The following NTM variants were observed in gnomAD, a reference collection of about 807,000 sequenced individuals.
NTM encodes IgLON family member 2.
NTM carries 13 observed loss-of-function variants against 42.1 expected under a neutral mutation model. The observed-to-expected ratio is 0.31, with a 90% CI of 0.20 to 0.49. The LOEUF is 0.49. NTM is among the 20% of genes least tolerant of loss of function. The pLI is 0.99. For synonymous variants in NTM, 187 were observed against 179.2 expected (o/e 1.04, Z -0.35); for missense variants, 373 against 452.8 (o/e 0.82, Z 1.60).
At chr11:131,770,050 G>C (rs925506231) in intron 1 of NTM, among the ~76,000 whole-genome samples, 5 of 152,134 alleles carry the variant, frequency 3.3e-5, no homozygotes, top group Non-Finnish European at 5.9e-5. Flanking sequence ...GGGAGAAGAG[G>C]GCCAGTGTAT....
At chr11:131,410,517 CAAAAAAAAAA>C (rs1161389222) in intron 1 of NTM, among the ~76,000 whole-genome samples, 3 of 32,754 alleles carry the variant, frequency 9.2e-5, no homozygotes, top group African/African-American at 4.2e-4. Flanking sequence ...AAACAATAAC[CAAAAAAAAAA>C]AAAAAAAAAA....
chr11:131,718,726 T>G (rs1452378641), intron 1 of NTM, among the ~76,000 whole-genome samples: 1 of 152,114 alleles, frequency 6.6e-6, no homozygotes, highest in Non-Finnish European at 1.5e-5. Flanking sequence ...GGTATTCTAT[T>G]CTGAGCACTC....
chr11:132,021,835 G>A (rs1381048115), intron 2 of NTM, among the ~76,000 whole-genome samples: 1 of 152,190 alleles, frequency 6.6e-6, no homozygotes, highest in Non-Finnish European at 1.5e-5. Flanking sequence ...CATTTCCAAT[G>A]TCTCCTGATA....
intron 1 of NTM, among the ~76,000 whole-genome samples, chr11:131,663,010 A>G (rs950494283): frequency 1.3e-5 from 2 of 152,164 alleles, no homozygotes; most frequent in Non-Finnish European, 2.9e-5. Flanking sequence ...ATGAAATTCT[A>G]TTTGCACCTA....
chr11:131,453,627 C>T (rs1247802684), intron 1 of NTM, among the ~76,000 whole-genome samples: 1 of 152,096 alleles, frequency 6.6e-6, no homozygotes, highest in Non-Finnish European at 1.5e-5. Flanking sequence ...TTCTGGAATA[C>T]CCACCTTCCT....
chr11:131,891,323 G>T (rs939424852), intron 1 of NTM, among the ~76,000 whole-genome samples: 1 of 152,156 alleles, frequency 6.6e-6, no homozygotes, highest in African/African-American at 2.4e-5. Context: ...GTCAGTCGAA[G>T]CGTGTCTTGA....
chr11:131,691,694 C>T (rs1463228132), intron 1 of NTM, among the ~76,000 whole-genome samples: 1 of 152,202 alleles, frequency 6.6e-6, no homozygotes, highest in African/African-American at 2.4e-5. Flanking sequence ...CGCTCCCGCT[C>T]GGCCCCGCCA....
At chr11:131,807,938 A>G (rs2092580400) in intron 1 of NTM, among the ~76,000 whole-genome samples, 1 of 152,216 alleles carries the variant, frequency 6.6e-6, no homozygotes, top group South Asian at 2.1e-4. Context: ...ATCACTTTCA[A>G]TGTGTTGGCA....
intron 1 of NTM, among the ~76,000 whole-genome samples, chr11:131,395,925 T>C (rs2135632388): frequency 1.3e-5 from 2 of 152,312 alleles, no homozygotes; most frequent in Middle Eastern, 6.8e-3. Flanking sequence ...TGAATACCTT[T>C]GGCCTCCCAA....
intron 7 of NTM, chr11:132,315,065 C>CA (rs1420964212): frequency 9.6e-7 from 1 of 1,038,190 alleles, no homozygotes; most frequent in Non-Finnish European, 1.2e-6. Context: ...TTTGGAATGC[C>CA]AAAAATGACA....
chr11:131,443,224 A>C (rs1223772856), intron 1 of NTM, among the ~76,000 whole-genome samples: 1 of 152,190 alleles, frequency 6.6e-6, no homozygotes, highest in Non-Finnish European at 1.5e-5. Flanking sequence ...GTGGTAGAGC[A>C]CTGGAAAGAA....
Position 131,646,133 on chromosome 11 carries a change from C to G in NTM, c.83-265431C>G, listed in dbSNP as rs138892703. ...CGCAATTGATCATCTAAGACGGGGT[C>G]AGCAAACTGTGCCCATGGGCCCGAT... On this transcript the variant is annotated intron_variant, in intron 1 of 8. Transcript: ENST00000683400. 3.7e-3 allele frequency among the ~76,000 whole-genome samples: 556 copies of G among 152,276 alleles called. 1 individual carries two copies. The highest frequency in any genetic ancestry group is 6.8e-3 in the Middle Eastern group (2 of 294).
At chr11:131,969,249 A>G (rs1174589171) in intron 2 of NTM, among the ~76,000 whole-genome samples, 4 of 152,126 alleles carry the variant, frequency 2.6e-5, no homozygotes, top group Non-Finnish European at 5.9e-5. Context: ...GTTCCTCTTG[A>G]GTGAGCACCA....
chr11:131,877,935 G>C (rs995001853), intron 1 of NTM: 1 of 152,228 alleles, frequency 6.6e-6, no homozygotes. Flanking sequence ...GTGTTCTCAC[G>C]ACACCTGCGA....
chr11:131,981,431 C>A (rs748944897), intron 2 of NTM: 3 of 152,180 alleles, frequency 2.0e-5, no homozygotes, highest in Non-Finnish European at 1.5e-5. Flanking sequence ...CGAGCTGGAG[C>A]AGTCTTGATG....
chr11:132,140,737 A>T (rs2068926330), intron 2 of NTM, among the ~76,000 whole-genome samples: 1 of 152,126 alleles, frequency 6.6e-6, no homozygotes, highest in South Asian at 2.1e-4. Context: ...ACAAGCGCAG[A>T]TGTGGAAGAT....
At chr11:131,388,282 G>A (rs932446197) in intron 1 of NTM, among the ~76,000 whole-genome samples, 2 of 152,122 alleles carry the variant, frequency 1.3e-5, no homozygotes, top group Non-Finnish European at 2.9e-5. Context: ...ATCTATGTAA[G>A]TACATATAGA....
At chr11:131,601,565 C>T (rs974292413) in intron 1 of NTM, among the ~76,000 whole-genome samples, 1 of 151,796 alleles carries the variant, frequency 6.6e-6, no homozygotes, top group African/African-American at 2.4e-5. Context: ...AAAATGCTCC[C>T]ACCTCAAACC....
chr11:131,400,641 T>G (rs1021206871), intron 1 of NTM, among the ~76,000 whole-genome samples: 16 of 152,200 alleles, frequency 1.1e-4, no homozygotes, highest in African/African-American at 3.6e-4. Context: ...TGTTACCTCC[T>G]TCTTTTCTGA....
Sources: allele counts gnomAD v4.1 joint callset (sites outside exome capture counted in the v4.1 genomes callset), GRCh38; gene constraint gnomAD v4.1.1; transcripts MANE v1.5; gene names NCBI Gene and HGNC (gene_info 2026-07-23, HGNC 2026-07-21).